TNFRSF9: variants seen among roughly 807,000 people sequenced by gnomAD.
The protein encoded by TNFRSF9 is tumor necrosis factor receptor superfamily member 9.
In TNFRSF9, 16 loss-of-function variants were observed where a neutral mutation model predicts 28.8. That is an observed-to-expected ratio of 0.55 (90% CI 0.38 to 0.84). TNFRSF9 has a LOEUF of 0.84. Among genes scored for constraint, TNFRSF9 ranks in the 40% least tolerant of loss-of-function variants. The pLI, the probability that TNFRSF9 is intolerant of heterozygous loss-of-function variation, is 0.00. For missense variants in TNFRSF9, 303 were observed against 315.0 expected (o/e 0.96, Z 0.29); for synonymous variants, 131 against 117.0 (o/e 1.12, Z -0.77).
At position 7,920,358 on chromosome 1, in the gene TNFRSF9, A is replaced by G. The variant is rs1215307914; in HGVS notation, c.*477T>C. The G allele has an allele frequency of 2.7e-5, 4 of 150,886 alleles. No homozygotes were observed. The highest frequency in any genetic ancestry group is 5.2e-5 in the African/African-American group (2 of 38,478). The allele number at this position is 150,886 out of a possible 1,614,324, so 9.3% of individuals were successfully genotyped here. ...CTGTCCTCATCTGTCTGTTCTGTTA[A>G]AAGTGGTGCATTATTTTGGCCGGGC... is the stretch of plus-strand genomic sequence containing the variant. On this transcript the variant is annotated 3_prime_UTR_variant, in exon 8 of 8. Transcript: ENST00000377507.
chr1:7,931,595 G>A (rs556657607), intron 7 of TNFRSF9, among the ~76,000 whole-genome samples: 4 of 152,346 alleles, frequency 2.6e-5, no homozygotes, highest in South Asian at 4.1e-4. Flanking sequence ...TACAGCAAAA[G>A]GAAGTTAATA....
chr1:7,935,444 A>G (rs543554410), intron 5 of TNFRSF9, among the ~76,000 whole-genome samples: 8 of 152,276 alleles, frequency 5.3e-5, no homozygotes, highest in Admixed American at 5.2e-4. Context: ...AGGCTAGCAT[A>G]GGGTTAGGAG....
rs1317173126 is a variant in TNFRSF9 at position 7,916,262 on chromosome 1, A to G, written c.*4573T>C. 1 of 152,222 alleles carries G rather than the reference A, an allele frequency of 6.6e-6. No individual in the cohort carries two copies. The highest frequency in any genetic ancestry group is 2.1e-4 in the South Asian group (1 of 4,834). The allele number at this position is 152,222 out of a possible 1,614,324, so 9.4% of individuals were successfully genotyped here. On this transcript the variant is annotated 3_prime_UTR_variant, in exon 8 of 8. Transcript: ENST00000377507. Reference sequence around the variant, plus strand: ...ATTTACATTTATTTCTATTAAACCTAATTATGGAACTTTCTAAATTAAACC... The same window carrying G: ...ATTTACATTTATTTCTATTAAACCTGATTATGGAACTTTCTAAATTAAACC...
At chr1:7,939,334 AAAC>A (rs1168191865) in intron 2 of TNFRSF9, among the ~76,000 whole-genome samples, 3 of 151,796 alleles carry the variant, frequency 2.0e-5, no homozygotes, top group African/African-American at 7.3e-5. Context: ...AAAAAAAAAA[AAAC>A]ATACACACAC....
In TNFRSF9 at chr1:7,933,723, G is replaced by C. The variant is rs1156866686; in HGVS notation, c.545-427C>G. ...AAAAAGAAAAGAAAGAAAAGAAAAA[G>C]AGAAACTTAATGGCAGGGAGCGGTG... is the stretch of plus-strand genomic sequence containing the variant. On this transcript the variant is annotated intron_variant, in intron 6 of 7. Transcript: ENST00000377507. Among the ~76,000 whole-genome samples the C allele has an allele frequency of 5.9e-5, 9 of 151,676 alleles. 1 individual carries two copies. Among genetic ancestry groups the C allele is most frequent in the Admixed American group, 2.0e-4 (3 of 15,198 alleles).
chr1:7,938,100 A>G, intron 4 of TNFRSF9, 93 bp downstream of exon 4: 1 of 1,243,480 alleles, frequency 8.0e-7, no homozygotes, highest in Non-Finnish European at 1.1e-6. Flanking sequence ...TTAAGGTTCT[A>G]CAAATCTGTT....
intron 7 of TNFRSF9, among the ~76,000 whole-genome samples, chr1:7,927,147 A>G (rs578257642): frequency 2.6e-4 from 40 of 152,306 alleles, no homozygotes; most frequent in African/African-American, 9.6e-4. Flanking sequence ...CTATATGATC[A>G]AACAGCAAAG....
chr1:7,923,299 C>A (rs868540470), intron 7 of TNFRSF9, among the ~76,000 whole-genome samples: 1 of 152,204 alleles, frequency 6.6e-6, no homozygotes, highest in Admixed American at 6.5e-5. Flanking sequence ...GAGTAGAGAG[C>A]CTGGACTTCC....
chr1:7,920,735 T>G lies in TNFRSF9; in HGVS notation c.*100A>C, dbSNP rs1299712526. ...TGTGTTGGGGGAATCCTGGGTATTA[T>G]GTAGGATGGTGTTCTTGCTTTTGAA... On this transcript the variant is annotated 3_prime_UTR_variant, in exon 8 of 8. Coordinates refer to ENST00000377507, the MANE Select transcript of TNFRSF9 (RefSeq NM_001561.6). 3.2e-6 allele frequency: 3 copies of G among 932,304 alleles called. No homozygotes were observed. Among genetic ancestry groups the G allele is most frequent in the South Asian group, 2.7e-5 (2 of 73,242 alleles). 57.8% of individuals were successfully genotyped at this position (932,304 alleles called of 1,614,324 possible). A position where few individuals can be genotyped will look rare whatever the true frequency, so the allele number is the denominator to read the frequency against.
Position 7,938,824 on chromosome 1 carries a change from T to A in TNFRSF9, c.105A>T (p.Thr35=), listed in dbSNP as rs1402427738. 1.2e-6 allele frequency: 2 copies of A among 1,611,290 alleles called. No homozygotes were observed. The highest frequency in any genetic ancestry group is 1.7e-6 in the Non-Finnish European group (2 of 1,177,754). The change falls in exon 3 of 8, where the codon ACA becomes ACT. Residue 35 remains threonine, a synonymous_variant. Transcript: ENST00000377507. ...QDPCSNCPAG[T]FCDNNRNQIC... ...TCTGATTCCTGTTATTATCACAGAA[T>A]GTACCTAAGAAAGGCAGACAATAGT...
In TNFRSF9 at chr1:7,937,812, C is replaced by T. The variant is rs1029396269; in HGVS notation, c.347-56G>A. 4.7e-6 allele frequency: 7 copies of T among 1,491,550 alleles called. No individual in the cohort carries two copies. In the African/African-American group the frequency reaches 9.7e-5, roughly 21 times the overall value. 92.4% of individuals were successfully genotyped at this position (1,491,550 alleles called of 1,614,324 possible). ...GGGAAGCATTTTCATCATTTTGTAACTTTTCCTGTGATGAACTTAATATAA... is the reference window on the plus strand; with the variant it reads ...GGGAAGCATTTTCATCATTTTGTAATTTTTCCTGTGATGAACTTAATATAA... On this transcript the variant is annotated intron_variant, in intron 4 of 7. Transcript: ENST00000377507.
chr1:7,925,623 G>A (rs1033056938), intron 7 of TNFRSF9, among the ~76,000 whole-genome samples: 2 of 152,158 alleles, frequency 1.3e-5, no homozygotes, highest in Non-Finnish European at 2.9e-5. Flanking sequence ...TCCCTGTAAT[G>A]TAGAATCAGT....
At position 7,919,140 on chromosome 1, in the gene TNFRSF9, C is replaced by T. The variant is rs557229534; in HGVS notation, c.*1695G>A. Reference sequence around the variant, plus strand: ...GCCAATGTTCCAAATAGAAGCTGCTCCCTCCACCTAAATCCCAGAGTAAAA... The same window carrying T: ...GCCAATGTTCCAAATAGAAGCTGCTTCCTCCACCTAAATCCCAGAGTAAAA... On this transcript the variant is annotated 3_prime_UTR_variant, in exon 8 of 8. Transcript: ENST00000377507. 1 of 152,294 alleles carries T rather than the reference C, an allele frequency of 6.6e-6. No individual in the cohort carries two copies. The highest frequency in any genetic ancestry group is 2.4e-5 in the African/African-American group (1 of 41,562). The allele number at this position is 152,294 out of a possible 1,614,324, so 9.4% of individuals were successfully genotyped here.
chr1:7,921,143 G>C lies in TNFRSF9; in HGVS notation c.680-220C>G, dbSNP rs9658040. Among the ~76,000 whole-genome samples the C allele has an allele frequency of 9.4e-3, 1,423 of 151,534 alleles. 26 individuals are homozygous for C. Among genetic ancestry groups the C allele is most frequent in the African/African-American group, 0.033 (1,358 of 41,292 alleles). ...TTGAGGTCAGGAGTTCAAGACCAGC[G>C]TGGCCAACATAGCAAAACCCCATCC... On this transcript the variant is annotated intron_variant, in intron 7 of 7. Coordinates refer to ENST00000377507, the MANE Select transcript of TNFRSF9 (RefSeq NM_001561.6).
chr1:7,919,660 G>A lies in TNFRSF9; in HGVS notation c.*1175C>T, dbSNP rs1173468639. Reference sequence around the variant, plus strand: ...TTTAAGGCTAAAGTGTGCTATGATTGTGCCTGTGAATAGCCACTCCATTCC... The same window carrying A: ...TTTAAGGCTAAAGTGTGCTATGATTATGCCTGTGAATAGCCACTCCATTCC... On this transcript the variant is annotated 3_prime_UTR_variant, in exon 8 of 8. Transcript: ENST00000377507. 6.6e-6 allele frequency: 1 copy of A among 152,206 alleles called. No individual in the cohort carries two copies. The highest frequency in any genetic ancestry group is 1.5e-5 in the Non-Finnish European group (1 of 68,090). The allele number at this position is 152,206 out of a possible 1,614,324, so 9.4% of individuals were successfully genotyped here.
At chr1:7,922,654 A>T (rs777813318) in intron 7 of TNFRSF9, among the ~76,000 whole-genome samples, 5 of 152,050 alleles carry the variant, frequency 3.3e-5, no homozygotes, top group Non-Finnish European at 7.4e-5. Flanking sequence ...TCTACTAAAA[A>T]CACAAAAATT....
chr1:7,929,160 T>TTTC, intron 7 of TNFRSF9, among the ~76,000 whole-genome samples: 2 of 82,366 alleles, frequency 2.4e-5, no homozygotes, highest in African/African-American at 3.2e-4. Flanking sequence ...TCTTTTTCCT[T>TTTC]TTTTTTTTTT....
chr1:7,921,291 G>C (rs562743074), intron 7 of TNFRSF9, among the ~76,000 whole-genome samples: 1 of 151,430 alleles, frequency 6.6e-6, no homozygotes, highest in Admixed American at 6.6e-5. Flanking sequence ...ACTTGAGATG[G>C]CGCCATTGCA....
intron 7 of TNFRSF9, among the ~76,000 whole-genome samples, chr1:7,922,840 C>T (rs755840137): frequency 4.0e-5 from 6 of 150,998 alleles, no homozygotes; most frequent in Non-Finnish European, 7.4e-5. Context: ...CTAAGAGGAG[C>T]TTGTACTCTC....
Sources: allele counts gnomAD v4.1 joint callset (sites outside exome capture counted in the v4.1 genomes callset), GRCh38; gene constraint gnomAD v4.1.1; transcripts MANE v1.5; gene names NCBI Gene and HGNC (gene_info 2026-07-23, HGNC 2026-07-21).